The following MEIKIN variants were observed in gnomAD, a reference collection of about 807,000 sequenced individuals.
The protein encoded by MEIKIN is meiosis-specific kinetochore protein.
At chr5:131,880,480 G>C (rs993196326) in intron 8 of MEIKIN, among the ~76,000 whole-genome samples, 42 of 151,794 alleles carry the variant, frequency 2.8e-4, no homozygotes, top group African/African-American at 1.0e-3. Flanking sequence ...GACCTCAAGT[G>C]ATCCGCCTGC....
chr5:131,945,401 T>C lies in MEIKIN; in HGVS notation c.105A>G (p.Pro35=). 5.0e-6 allele frequency: 2 copies of C among 399,180 alleles called. No homozygotes were observed. Among genetic ancestry groups the C allele is most frequent in the Non-Finnish European group, 8.8e-6 (2 of 226,174 alleles). The allele number at this position is 399,180 out of a possible 1,614,324, so 24.7% of individuals were successfully genotyped here. A position where few individuals can be genotyped will look rare whatever the true frequency, so the allele number is the denominator to read the frequency against. The change falls in exon 1 of 13, where the codon CCA becomes CCG. Residue 35 remains proline, a splice_region_variant and synonymous_variant. Coordinates refer to ENST00000442687, the MANE Select transcript of MEIKIN (RefSeq NM_001303622.2). ...GGTGGGCGAGCCTTGAGCCTGTACC[T>C]GGCGGGGCCTCGGCCTTCGCTGGAG... ...LGSPAKAEAP[P]GSKRKGKVHG...
intron 5 of MEIKIN, among the ~76,000 whole-genome samples, chr5:131,926,401 G>A (rs886301176): frequency 2.0e-5 from 3 of 152,130 alleles, no homozygotes; most frequent in Non-Finnish European, 4.4e-5. Context: ...TGGTCATGGT[G>A]TATGATCCTT....
intron 4 of MEIKIN, among the ~76,000 whole-genome samples, chr5:131,935,289 A>G (rs1580915074): frequency 1.3e-5 from 2 of 149,014 alleles, no homozygotes; most frequent in Admixed American, 6.7e-5. Context: ...AAAAAAAAAA[A>G]GAAAGAAAGA....
At chr5:131,872,308 C>A (rs1750519427) in intron 9 of MEIKIN, among the ~76,000 whole-genome samples, 1 of 152,112 alleles carries the variant, frequency 6.6e-6, no homozygotes, top group Non-Finnish European at 1.5e-5. Context: ...CTTAAAAGAC[C>A]TGATGGAGCT....
intron 11 of MEIKIN, among the ~76,000 whole-genome samples, chr5:131,819,594 CT>C (rs1749447966): frequency 8.0e-6 from 1 of 125,210 alleles, no homozygotes; most frequent in South Asian, 3.0e-4. Flanking sequence ...TATATAGAAA[CT>C]TCCTTTTTTT....
chr5:131,880,483 C>G (rs549898484), intron 8 of MEIKIN, among the ~76,000 whole-genome samples: 16 of 152,076 alleles, frequency 1.1e-4, no homozygotes, highest in Non-Finnish European at 2.1e-4. Context: ...CTCAAGTGAT[C>G]CGCCTGCCTC....
At chr5:131,870,472 C>T (rs752661885) in intron 9 of MEIKIN, among the ~76,000 whole-genome samples, 7 of 152,094 alleles carry the variant, frequency 4.6e-5, no homozygotes, top group Admixed American at 6.5e-5. Context: ...TCTATAGATA[C>T]TATTTCCTAG....
At chr5:131,850,384 TGAAAAAGAA>T (rs1750091158) in intron 11 of MEIKIN, among the ~76,000 whole-genome samples, 1 of 151,862 alleles carries the variant, frequency 6.6e-6, no homozygotes, top group African/African-American at 2.4e-5. Flanking sequence ...AAAACAAAAA[TGAAAAAGAA>T]GAACAAAGCT....
chr5:131,866,528 C>T (rs904435694), intron 9 of MEIKIN, among the ~76,000 whole-genome samples: 3 of 152,264 alleles, frequency 2.0e-5, no homozygotes, highest in South Asian at 2.1e-4. Flanking sequence ...TTGCTTCCCC[C>T]GGGAACAGCC....
intron 12 of MEIKIN, among the ~76,000 whole-genome samples, chr5:131,813,528 G>C (rs1231012426): frequency 6.6e-6 from 1 of 150,772 alleles, no homozygotes; most frequent in Admixed American, 6.7e-5. Context: ...CCGGGTTCAC[G>C]CCATTCTCCT....
intron 8 of MEIKIN, among the ~76,000 whole-genome samples, chr5:131,892,981 T>G (rs1750959483): frequency 6.6e-6 from 1 of 152,212 alleles, no homozygotes. Context: ...GGAGGTTCAC[T>G]CCAGACCCTG....
intron 9 of MEIKIN, among the ~76,000 whole-genome samples, chr5:131,866,374 A>G (rs973647557): frequency 1.3e-5 from 2 of 152,136 alleles, no homozygotes; most frequent in African/African-American, 4.8e-5. Flanking sequence ...GAGCCAAGCT[A>G]GGTTGTGCCT....
chr5:131,821,855 G>A lies in MEIKIN; in HGVS notation c.976-2992C>T, dbSNP rs187525398. On this transcript the variant is annotated intron_variant, in intron 11 of 12. Transcript: ENST00000442687. ...ACCCAGGCTGGTCTCAAACTCCTGGGCTCAAGTGATCCTCCCACTTTGGCC... is the reference window on the plus strand; with the variant it reads ...ACCCAGGCTGGTCTCAAACTCCTGGACTCAAGTGATCCTCCCACTTTGGCC... Among the ~76,000 whole-genome samples the A allele has an allele frequency of 1.0e-3, 157 of 151,654 alleles. 1 individual carries two copies. The highest frequency in any genetic ancestry group is 3.6e-3 in the African/African-American group (150 of 41,348).
intron 11 of MEIKIN, among the ~76,000 whole-genome samples, chr5:131,829,532 AT>A (rs1325016300): frequency 2.0e-5 from 3 of 152,140 alleles, no homozygotes; most frequent in African/African-American, 7.2e-5. Context: ...TTTGTGGTAA[AT>A]TTGGTGAATC....
At chr5:131,885,341 A>AAGAGAGGGAGAG (rs1750764555) in intron 8 of MEIKIN, among the ~76,000 whole-genome samples, 1 of 61,958 alleles carries the variant, frequency 1.6e-5, no homozygotes, top group Non-Finnish European at 2.7e-5. Flanking sequence ...TCAGAACTGA[A>AAGAGAGGGAGAG]AGAGAGAGAG....
intron 9 of MEIKIN, among the ~76,000 whole-genome samples, chr5:131,878,529 T>C (rs959180039): frequency 1.3e-5 from 2 of 152,016 alleles, no homozygotes; most frequent in Non-Finnish European, 2.9e-5. Context: ...ATCATGCCAC[T>C]GCACTCCACC....
intron 9 of MEIKIN, among the ~76,000 whole-genome samples, chr5:131,865,345 G>A (rs1035029955): frequency 1.5e-4 from 23 of 151,888 alleles, no homozygotes; most frequent in Non-Finnish European, 2.4e-4. Flanking sequence ...TCAGCCTCCC[G>A]AGTAGCTGGG....
intron 9 of MEIKIN, among the ~76,000 whole-genome samples, chr5:131,869,596 C>A (rs1750450257): frequency 6.6e-6 from 1 of 152,158 alleles, no homozygotes; most frequent in South Asian, 2.1e-4. Flanking sequence ...ACAAAAAAAC[C>A]CGAATATTCT....
chr5:131,828,030 C>A (rs969173324), intron 11 of MEIKIN, among the ~76,000 whole-genome samples: 2 of 150,386 alleles, frequency 1.3e-5, no homozygotes, highest in Admixed American at 6.7e-5. Flanking sequence ...CAGAGCAAGA[C>A]CCTGTCTCAA....
Sources: allele counts gnomAD v4.1 joint callset (sites outside exome capture counted in the v4.1 genomes callset), GRCh38; gene constraint gnomAD v4.1.1; transcripts MANE v1.5; gene names NCBI Gene and HGNC (gene_info 2026-07-23, HGNC 2026-07-21).